The following ITIH5 variants were observed in gnomAD, a reference collection of about 807,000 sequenced individuals.
ITIH5 encodes inter-alpha-trypsin inhibitor heavy chain H5.
A neutral mutation model predicts 77.5 loss-of-function variants in ITIH5; 65 were observed. The ratio of observed to expected loss-of-function variants is 0.84; its 90% CI spans 0.69 to 1.03. The LOEUF (loss-of-function observed/expected upper bound fraction) is 1.03. ITIH5 is among the 50% of genes least tolerant of loss of function. ITIH5 has a pLI of 0.00. For missense variants in ITIH5, 1,208 were observed against 1,213.1 expected, an observed-to-expected ratio of 1.00 and a Z score of 0.06; for synonymous variants, 525 against 494.3, an observed-to-expected ratio of 1.06 and a Z score of -0.82.
intron 11 of ITIH5, chr10:7,572,084 G>A: frequency 9.7e-7 from 1 of 1,035,840 alleles, no homozygotes; most frequent in Non-Finnish European, 1.2e-6. Flanking sequence ...CAGCATCCAA[G>A]AGGAAGCTTT....
At chr10:7,605,819 A>G (rs1833113624) in intron 7 of ITIH5, among the ~76,000 whole-genome samples, 1 of 152,144 alleles carries the variant, frequency 6.6e-6, no homozygotes, top group South Asian at 2.1e-4. Context: ...TGTTACTTGT[A>G]GCAAAGTTTC....
At position 7,562,853 on chromosome 10, in the gene ITIH5, G is replaced by C. The variant is rs1425607619; in HGVS notation, c.*230C>G. ...TCTGTGGATGTGGGCAGGGTGGGGA[G>C]AGGCAGGAAGAGGCAGTAGAGGGAA... On this transcript the variant is annotated 3_prime_UTR_variant, in exon 14 of 14. Coordinates refer to ENST00000397146, the MANE Select transcript of ITIH5 (RefSeq NM_030569.7). The C allele has an allele frequency of 8.5e-6, 5 of 589,056 alleles. No homozygotes were observed. The highest frequency in any genetic ancestry group is 1.5e-5 in the Non-Finnish European group (5 of 327,828). The allele number at this position is 589,056 out of a possible 1,614,324, so 36.5% of individuals were successfully genotyped here.
intron 7 of ITIH5, among the ~76,000 whole-genome samples, chr10:7,589,594 G>C (rs940593243): frequency 6.6e-6 from 1 of 152,012 alleles, no homozygotes; most frequent in South Asian, 2.1e-4. Context: ...CAGCAATGGA[G>C]TGCTCCTTTC....
At chr10:7,602,961 C>T (rs147004356) in intron 7 of ITIH5, among the ~76,000 whole-genome samples, 192 of 152,174 alleles carry the variant, frequency 1.3e-3, no homozygotes, top group African/African-American at 4.4e-3. Context: ...TCATAGCTTC[C>T]GTGTCCTATT....
chr10:7,611,321 C>T (rs974748271), intron 7 of ITIH5, among the ~76,000 whole-genome samples: 4 of 152,232 alleles, frequency 2.6e-5, no homozygotes, highest in Non-Finnish European at 5.9e-5. Flanking sequence ...TTGGAAATGG[C>T]CCATGCCATA....
At chr10:7,636,946 G>A (rs569207466) in intron 5 of ITIH5, among the ~76,000 whole-genome samples, 1 of 152,264 alleles carries the variant, frequency 6.6e-6, no homozygotes, top group Admixed American at 6.5e-5. Context: ...AGCTACTCAG[G>A]AGGCTGAGGC....
intron 7 of ITIH5, among the ~76,000 whole-genome samples, chr10:7,590,657 C>A (rs1477005758): frequency 1.3e-5 from 2 of 152,250 alleles, no homozygotes; most frequent in Non-Finnish European, 2.9e-5. Flanking sequence ...CACGCATCCA[C>A]CATGTCTTAA....
chr10:7,644,463 CATATAGATCATATATA>C (rs1353829093), intron 2 of ITIH5, among the ~76,000 whole-genome samples: 4 of 141,356 alleles, frequency 2.8e-5, no homozygotes, highest in Non-Finnish European at 6.0e-5. Context: ...ATATATATCA[CATATAGATCATATATA>C]ATCACATATA....
Position 7,613,854 on chromosome 10 carries a change from A to G in ITIH5, c.939+2128T>C, listed in dbSNP as rs528776274. Reference sequence around the variant, plus strand: ...GCAAAGCAGAAATATGCCAGCTCCTAAGAGTTCTGCAGTCCAGCTTCGTGC... The same window carrying G: ...GCAAAGCAGAAATATGCCAGCTCCTGAGAGTTCTGCAGTCCAGCTTCGTGC... On this transcript the variant is annotated intron_variant, in intron 7 of 13. Transcript: ENST00000397146. Among the ~76,000 whole-genome samples, 28 of 152,300 alleles carry G rather than the reference A, an allele frequency of 1.8e-4. No homozygotes were observed. In the South Asian group the frequency reaches 3.9e-3, roughly 21 times the overall value.
intron 2 of ITIH5, among the ~76,000 whole-genome samples, chr10:7,655,063 T>G (rs1194884809): frequency 6.6e-6 from 1 of 152,192 alleles, no homozygotes; most frequent in African/African-American, 2.4e-5. Context: ...ACCAGCCAGG[T>G]GCAGGGAGGG....
intron 12 of ITIH5, 128 bp downstream of exon 12, chr10:7,569,540 C>T: frequency 1.7e-6 from 1 of 584,834 alleles, no homozygotes; most frequent in South Asian, 2.8e-5. Flanking sequence ...TTCCCTTAAC[C>T]ACTGACGATA....
At chr10:7,609,347 G>A (rs1833194538) in intron 7 of ITIH5, 1 of 424,180 alleles carries the variant, frequency 2.4e-6, no homozygotes, top group Non-Finnish European at 4.7e-6. Context: ...TGTCTGTGAA[G>A]AGTTGGGAAT....
At chr10:7,610,641 C>T (rs918467940) in intron 7 of ITIH5, among the ~76,000 whole-genome samples, 46 of 152,212 alleles carry the variant, frequency 3.0e-4, no homozygotes, top group African/African-American at 1.1e-3. Context: ...GGATAATTGT[C>T]CTCTTCACCA....
chr10:7,565,399 GCA>G (rs1043723490), intron 13 of ITIH5, among the ~76,000 whole-genome samples: 7 of 145,558 alleles, frequency 4.8e-5, no homozygotes, highest in Non-Finnish European at 8.9e-5. Flanking sequence ...CACATATCAT[GCA>G]CACATACATA....
At chr10:7,600,206 G>C (rs377163279) in intron 7 of ITIH5, among the ~76,000 whole-genome samples, 125 of 152,158 alleles carry the variant, frequency 8.2e-4, no homozygotes, top group Non-Finnish European at 1.6e-3. Context: ...AGTCATAAAG[G>C]GGGTAGGTTG....
intron 5 of ITIH5, chr10:7,619,051 A>T (rs997273700): frequency 6.6e-6 from 1 of 152,284 alleles, no homozygotes; most frequent in Non-Finnish European, 1.5e-5. Flanking sequence ...AGATCTGCTC[A>T]TCTGAAGGAG....
rs561325808 is a variant in ITIH5 at position 7,566,394 on chromosome 10, G to C, written c.2163C>G (p.Asn721Lys). ...SDHRDSGVTV[N>K]GELIGAPAPP... The stretch of plus-strand genomic sequence containing the variant: ...GGGCGGGTGCCCCAATTAACTCTCC[G>C]TTCACTGTGACACCTCAAAGGCCAA... Residue 721 changes from asparagine (N) to lysine (K), a missense_variant, in exon 13 of 14, where the codon AAC becomes AAG. By Grantham distance (94) the Asn-to-Lys change is moderately conservative. Coordinates refer to ENST00000397146, the MANE Select transcript of ITIH5 (RefSeq NM_030569.7). The C allele has an allele frequency of 3.8e-6, 6 of 1,597,640 alleles. No homozygotes were observed. The highest frequency in any genetic ancestry group is 5.1e-6 in the Non-Finnish European group (6 of 1,167,216).
chr10:7,567,174 T>G (rs1832203147), intron 12 of ITIH5, among the ~76,000 whole-genome samples: 2 of 151,952 alleles, frequency 1.3e-5, no homozygotes, highest in Admixed American at 1.3e-4. Context: ...GATGGAGGCA[T>G]GAAGCTAAGT....
intron 12 of ITIH5, 93 bp from the exon 13 acceptor site, chr10:7,566,500 G>A: frequency 7.7e-7 from 1 of 1,302,118 alleles, no homozygotes; most frequent in African/African-American, 1.5e-5. Flanking sequence ...GGCCAGGGCA[G>A]GTGGATTGCC....
Sources: allele counts gnomAD v4.1 joint callset (sites outside exome capture counted in the v4.1 genomes callset), GRCh38; gene constraint gnomAD v4.1.1; transcripts MANE v1.5; gene names NCBI Gene and HGNC (gene_info 2026-07-23, HGNC 2026-07-21).